The following SH3GL1 variants were observed in gnomAD, a reference collection of about 807,000 sequenced individuals.
The protein encoded by SH3GL1 is endophilin-A2.
A neutral mutation model predicts 48.8 loss-of-function variants in SH3GL1; 21 were observed. That is an observed-to-expected ratio of 0.43 (90% CI 0.30 to 0.62). SH3GL1 has a LOEUF of 0.62. SH3GL1 is among the 20% of genes least tolerant of loss of function. The pLI is 0.11. For synonymous variants in SH3GL1, 282 were observed against 217.5 expected (o/e 1.30, Z -2.61); for missense variants, 454 against 503.0 (o/e 0.90, Z 0.93).
In SH3GL1 at chr19:4,361,572, G is replaced by T. The variant is rs561199775; in HGVS notation, c.*28C>A. The T allele has an allele frequency of 3.9e-6, 6 of 1,543,322 alleles. No individual in the cohort carries two copies. The highest frequency in any genetic ancestry group is 4.5e-5 in the East Asian group (2 of 44,272). On this transcript the variant is annotated 3_prime_UTR_variant, in exon 10 of 10. Transcript: ENST00000269886. ...GCAGGGGGTGCCGGCCAGTGTGGAC[G>T]GAGGGGCGGGGCGGGGACACGGGTG...
rs370192443 is a variant in SH3GL1 at position 4,365,469 on chromosome 19, G to A, written c.331+13C>T. On this transcript the variant is annotated intron_variant, in intron 4 of 9. Transcript: ENST00000269886. ...AGGGACGGTGGGCGTGGCTTCCAGA[G>A]AGCACCACTCACCAAAGTTGGACTC... The A allele has an allele frequency of 1.9e-6, 3 of 1,613,016 alleles. No individual in the cohort carries two copies. In the African/African-American group the frequency reaches 4.0e-5, roughly 22 times the overall value.
intron 1 of SH3GL1, among the ~76,000 whole-genome samples, chr19:4,373,538 A>T (rs1599602572): frequency 6.6e-6 from 1 of 152,222 alleles, no homozygotes; most frequent in Non-Finnish European, 1.5e-5. Flanking sequence ...AGACGCTGCC[A>T]CCATGGCCAG....
chr19:4,385,335 T>A (rs1283193250), intron 1 of SH3GL1, among the ~76,000 whole-genome samples: 1 of 152,144 alleles, frequency 6.6e-6, no homozygotes, highest in African/African-American at 2.4e-5. Flanking sequence ...ACAACCTTCA[T>A]GAGGTGCCTG....
Position 4,400,442 on chromosome 19 carries a change from G to A in SH3GL1, c.-74C>T. 3.5e-6 allele frequency: 5 copies of A among 1,412,316 alleles called. No homozygotes were observed. The highest frequency in any genetic ancestry group is 2.6e-4 in the Middle Eastern group (1 of 3,886). 87.5% of individuals were successfully genotyped at this position (1,412,316 alleles called of 1,614,324 possible). A position where few individuals can be genotyped will look rare whatever the true frequency, so the allele number is the denominator to read the frequency against. The stretch of plus-strand genomic sequence containing the variant: ...CTCCCGGGCGCCGCCGACCCTCTGC[G>A]CGCCTCAGCAGTCCCCGTCGGCGCC... On this transcript the variant is annotated 5_prime_UTR_variant, in exon 1 of 10. Transcript: ENST00000269886. This position sits in a 1 kb window ranked among gnomAD's most constrained non-coding sequence, Gnocchi z 4.1.
rs114523768 is a variant in SH3GL1 at position 4,362,848 on chromosome 19, G to A, written c.729-112C>T. The A allele has an allele frequency of 1.1e-3, 1,706 of 1,531,472 alleles. 17 individuals carry two copies. Among genetic ancestry groups the A allele is most frequent in the Admixed American group, 1.5e-3 (89 of 58,612 alleles). The allele number at this position is 1,531,472 out of a possible 1,614,324, so 94.9% of individuals were successfully genotyped here. ...TGGCCTGGGACTGCAGGAAGAGGCC[G>A]TCAGTGGGGTTGTGACACATGGACC... is the stretch of plus-strand genomic sequence containing the variant. On this transcript the variant is annotated intron_variant, in intron 7 of 9. Transcript: ENST00000269886.
Position 4,361,496 on chromosome 19 carries a change from G to A in SH3GL1, c.*104C>T, listed in dbSNP as rs376770635. The A allele has an allele frequency of 1.1e-6, 1 of 900,488 alleles. No individual in the cohort carries two copies. The highest frequency in any genetic ancestry group is 1.6e-5 in the African/African-American group (1 of 60,764). The allele number at this position is 900,488 out of a possible 1,614,324, so 55.8% of individuals were successfully genotyped here. A position where few individuals can be genotyped will look rare whatever the true frequency, so the allele number is the denominator to read the frequency against. On this transcript the variant is annotated 3_prime_UTR_variant, in exon 10 of 10. Transcript: ENST00000269886. ...GGCCGGGGCCCAGGTGGCGCCGGCA[G>A]GCTCAGACACCGCCCTGGCAGCAGG...
chr19:4,363,486 T>C lies in SH3GL1; in HGVS notation c.625-13A>G. On this transcript the variant is annotated splice_polypyrimidine_tract_variant and intron_variant, in intron 6 of 9. Transcript: ENST00000269886. ...TCACCTGCTCGATCTGTGGGGACAG[T>C]AGGGCTCAGGGGCTCCTGCCAGTGC... 6.2e-7 allele frequency: 1 copy of C among 1,606,916 alleles called. No homozygotes were observed. The highest frequency in any genetic ancestry group is 8.5e-7 in the Non-Finnish European group (1 of 1,175,814).
chr19:4,378,672 G>A (rs765965130), intron 1 of SH3GL1, among the ~76,000 whole-genome samples: 2 of 152,002 alleles, frequency 1.3e-5, no homozygotes, highest in Non-Finnish European at 1.5e-5. Flanking sequence ...CTGAGATCGC[G>A]CCATTGTACT....
intron 1 of SH3GL1, among the ~76,000 whole-genome samples, chr19:4,374,242 C>T (rs1249277414): frequency 1.3e-5 from 2 of 152,348 alleles, no homozygotes; most frequent in South Asian, 2.1e-4. Context: ...GTCACGCAGA[C>T]GAAGTGGTGA....
intron 1 of SH3GL1, among the ~76,000 whole-genome samples, chr19:4,370,985 G>A (rs576075742): frequency 3.9e-5 from 6 of 152,360 alleles, no homozygotes; most frequent in African/African-American, 1.4e-4. Flanking sequence ...CATCCCACCT[G>A]CACCCGCCAC....
intron 1 of SH3GL1, among the ~76,000 whole-genome samples, chr19:4,379,696 C>T (rs1973081883): frequency 6.6e-6 from 1 of 152,140 alleles, no homozygotes; most frequent in African/African-American, 2.4e-5. Flanking sequence ...CTCTGCACAC[C>T]CACGCTCTTC....
chr19:4,387,898 T>C (rs1973266014), intron 1 of SH3GL1, among the ~76,000 whole-genome samples: 1 of 152,112 alleles, frequency 6.6e-6, no homozygotes, highest in Non-Finnish European at 1.5e-5. Context: ...TCTCGCTCTG[T>C]CGCCAGGCTG....
intron 1 of SH3GL1, among the ~76,000 whole-genome samples, chr19:4,383,077 C>T (rs1973168295): frequency 6.6e-6 from 1 of 152,118 alleles, no homozygotes; most frequent in Non-Finnish European, 1.5e-5. Context: ...CACCACCACG[C>T]CTGGCTAATT....
intron 1 of SH3GL1, among the ~76,000 whole-genome samples, chr19:4,386,096 C>T (rs998864611): frequency 6.6e-6 from 1 of 152,198 alleles, no homozygotes; most frequent in Non-Finnish European, 1.5e-5. Context: ...GGGGAAATTC[C>T]AACCAGGTCC....
rs750015987 is a variant in SH3GL1 at position 4,376,636 on chromosome 19, C to T, written c.46-9642G>A. ...TTACACCCCCATCTGCCTGGGCGGCCCCCCCATCTCCCCTCAGAGCTTTTG... is the reference window on the plus strand; with the variant it reads ...TTACACCCCCATCTGCCTGGGCGGCTCCCCCATCTCCCCTCAGAGCTTTTG... On this transcript the variant is annotated intron_variant, in intron 1 of 9. Coordinates refer to ENST00000269886, the MANE Select transcript of SH3GL1 (RefSeq NM_003025.4). This position sits in a 1 kb window ranked among gnomAD's most constrained non-coding sequence, Gnocchi z 4.3. Among the ~76,000 whole-genome samples, 2 of 151,882 alleles carry T rather than the reference C, an allele frequency of 1.3e-5. No homozygotes were observed. Among genetic ancestry groups the T allele is most frequent in the Admixed American group, 6.6e-5 (1 of 15,232 alleles).
At chr19:4,374,060 T>G (rs1305391432) in intron 1 of SH3GL1, among the ~76,000 whole-genome samples, 1 of 152,126 alleles carries the variant, frequency 6.6e-6, no homozygotes, top group Non-Finnish European at 1.5e-5. Context: ...CTTTGTTGTG[T>G]GCGCGGCAGC....
chr19:4,368,750 C>A (rs1599597163), intron 1 of SH3GL1, among the ~76,000 whole-genome samples: 1 of 152,316 alleles, frequency 6.6e-6, no homozygotes, highest in African/African-American at 2.4e-5. Flanking sequence ...CTCAACTCAG[C>A]CACACAGCAC....
intron 1 of SH3GL1, among the ~76,000 whole-genome samples, chr19:4,396,674 C>G (rs1007682028): frequency 6.6e-6 from 1 of 151,942 alleles, no homozygotes; most frequent in Non-Finnish European, 1.5e-5. Flanking sequence ...TCCAAATCTT[C>G]AAGCAGGGTT....
At position 4,362,361 on chromosome 19, in the gene SH3GL1, T is replaced by TCGGAAG. The variant is rs761157466; in HGVS notation, c.872_877dup (p.Ser292_Asp293insAlaSer). 1 of 1,612,110 alleles carries TCGGAAG rather than the reference T, an allele frequency of 6.2e-7. No homozygotes were observed. On this transcript the variant is annotated inframe_insertion, in exon 9 of 10. Coordinates refer to ENST00000269886, the MANE Select transcript of SH3GL1 (RefSeq NM_003025.4). ...CCGGCTAGGGGTCCGGATGGGCTTG[T>TCGGAAG]CGGAAGATCGGAAAGACGATGAAGC...
Sources: allele counts gnomAD v4.1 joint callset (sites outside exome capture counted in the v4.1 genomes callset), GRCh38; gene constraint gnomAD v4.1.1; non-coding constraint Gnocchi (gnomAD v3.1); transcripts MANE v1.5; gene names NCBI Gene and HGNC (gene_info 2026-07-23, HGNC 2026-07-21).